Variants in CPT1C observed in about 807,000 individuals in gnomAD.
CPT1C encodes palmitoyl thioesterase CPT1C.
CPT1C carries 61 observed loss-of-function variants against 97.3 expected under a neutral mutation model. The observed-to-expected ratio is 0.63, with a 90% CI of 0.51 to 0.78. CPT1C has a LOEUF of 0.78. Ranked by LOEUF, CPT1C falls within the 30% of genes least tolerant of loss-of-function variation. The probability of loss-of-function intolerance (pLI) is 0.00; values close to 1 mark genes in which losing one functional copy is unlikely to be tolerated. For synonymous variants in CPT1C, 469 were observed against 447.2 expected, an observed-to-expected ratio of 1.05 and a Z score of -0.61; for missense variants, 975 against 1,065.5, an observed-to-expected ratio of 0.92 and a Z score of 1.18.
rs2084070414 is a variant in CPT1C, at chr19:49,713,695, A to G, written c.*90A>G. ...CAGGACAGGGGCAACTGGTTTGGCA[A>G]CCCCACATCCAGGCCAATAAAGATG... On this transcript the variant is annotated 3_prime_UTR_variant, in exon 20 of 20. Coordinates refer to ENST00000598293, the MANE Select transcript of CPT1C (RefSeq NM_001199753.2). 12 of 1,232,718 alleles carry G rather than the reference A, an allele frequency of 9.7e-6. 1 individual carries two copies. Among genetic ancestry groups the G allele is most frequent in the Non-Finnish European group, 1.4e-5 (12 of 872,422 alleles). 76.4% of individuals were successfully genotyped at this position (1,232,718 alleles called of 1,614,324 possible). A position where few individuals can be genotyped will look rare whatever the true frequency, so the allele number is the denominator to read the frequency against.
intron 18 of CPT1C, 35 bp downstream of exon 18, chr19:49,712,884 A>T: frequency 6.3e-7 from 1 of 1,596,200 alleles, no homozygotes; most frequent in Non-Finnish European, 8.6e-7. Flanking sequence ...CCCCAGAGGA[A>T]AGAGGGGGCT....
intron 14 of CPT1C, 138 bp from the exon 15 acceptor site, chr19:49,710,177 ATTCTC>A (rs2083767956): frequency 2.5e-6 from 2 of 806,588 alleles, no homozygotes; most frequent in East Asian, 2.5e-5. Context: ...TCATCCTTCA[ATTCTC>A]TTCTCTTCTT....
intron 16 of CPT1C, chr19:49,711,260 A>ATTTTTTTTT (rs34561432): frequency 7.4e-6 from 1 of 135,342 alleles, no homozygotes; most frequent in African/African-American, 2.8e-5. Context: ...TGCCCAGCTA[A>ATTTTTTTTT]TTTTTTTTTT....
At chr19:49,700,889 C>T (rs371824138) in intron 5 of CPT1C, 34 bp downstream of exon 5, 35 of 1,592,746 alleles carry the variant, frequency 2.2e-5, no homozygotes, top group Non-Finnish European at 3.4e-6. Context: ...TCAGGCTCTC[C>T]TGGGACCCGC....
intron 17 of CPT1C, 44 bp from the exon 18 acceptor site, chr19:49,712,692 C>T (rs368936837): frequency 1.1e-5 from 15 of 1,404,328 alleles, no homozygotes; most frequent in South Asian, 4.6e-5. Context: ...AGGGCCGGAA[C>T]TGCAGATCTC....
At chr19:49,703,670 T>A (rs937507336) in intron 7 of CPT1C, among the ~76,000 whole-genome samples, 4 of 148,116 alleles carry the variant, frequency 2.7e-5, no homozygotes, top group African/African-American at 9.9e-5. Flanking sequence ...TCTCACTCTG[T>A]CACCCAGGCT....
chr19:49,701,041 GTCCCCCTCTCTCTCTGTGTCTCCGTC>G (rs2123277567), intron 5 of CPT1C, among the ~76,000 whole-genome samples, 186 bp downstream of exon 5: 1 of 108,726 alleles, frequency 9.2e-6, no homozygotes, highest in East Asian at 3.1e-4. Context: ...CTGGGTCTCT[GTCCCCCTCTCTCTCTGTGTCTCCGTC>G]CCCCCCTCTG....
chr19:49,708,017 A>G lies in CPT1C; in HGVS notation c.1449+394A>G, dbSNP rs1454237511. On this transcript the variant is annotated intron_variant, in intron 13 of 19. Transcript: ENST00000598293. Reference sequence around the variant, plus strand: ...GAATACATCTCAAAAAAAAAAAAAAAAAAAAAAAAAGAAAAGAAAAACTGA... The same window carrying G: ...GAATACATCTCAAAAAAAAAAAAAAGAAAAAAAAAAGAAAAGAAAAACTGA... Among the ~76,000 whole-genome samples the G allele has an allele frequency of 2.6e-5, 4 of 150,980 alleles. No homozygotes were observed. In the East Asian group the frequency reaches 7.7e-4, roughly 29 times the overall value.
intron 3 of CPT1C, among the ~76,000 whole-genome samples, chr19:49,695,843 A>G (rs151045997): frequency 1.9e-4 from 29 of 151,788 alleles, no homozygotes; most frequent in Non-Finnish European, 3.7e-4. Context: ...GGCCTCCCAA[A>G]GCACTGGGAT....
In CPT1C at chr19:49,707,133, G is replaced by A. The variant is rs527514014; in HGVS notation, c.1344-385G>A. Among the ~76,000 whole-genome samples, 5 of 152,208 alleles carry A rather than the reference G, an allele frequency of 3.3e-5. No homozygotes were observed. In the East Asian group the frequency reaches 9.7e-4, roughly 29 times the overall value. On this transcript the variant is annotated intron_variant, in intron 12 of 19. Coordinates refer to ENST00000598293, the MANE Select transcript of CPT1C (RefSeq NM_001199753.2). ...CCACTAAAAATGCAAAAATTAGCTG[G>A]GCATGGTGGTGCATGCTTGTGATCC... is the stretch of plus-strand genomic sequence containing the variant.
intron 3 of CPT1C, among the ~76,000 whole-genome samples, chr19:49,696,328 G>C (rs1454175092): frequency 6.6e-6 from 1 of 152,170 alleles, no homozygotes; most frequent in African/African-American, 2.4e-5. Flanking sequence ...GCTTCCAAAG[G>C]AGTTTAGTTA....
chr19:49,710,242 G>C (rs534573403), intron 14 of CPT1C, 78 bp from the exon 15 acceptor site: 295 of 1,420,296 alleles, frequency 2.1e-4, no homozygotes, highest in Non-Finnish European at 2.7e-4. Context: ...ATCCACCTCC[G>C]CTTCCAGCCT....
intron 4 of CPT1C, among the ~76,000 whole-genome samples, chr19:49,698,646 G>C (rs2082811435): frequency 6.6e-6 from 1 of 150,756 alleles, no homozygotes; most frequent in Non-Finnish European, 1.5e-5. Context: ...CTTGGTGACA[G>C]AGCGAGACTC....
chr19:49,700,911 C>T, intron 5 of CPT1C, 56 bp downstream of exon 5: 2 of 1,532,270 alleles, frequency 1.3e-6, no homozygotes, highest in Admixed American at 1.7e-5. Flanking sequence ...TATCTATTCC[C>T]CTCTCTCTGG....
intron 4 of CPT1C, among the ~76,000 whole-genome samples, chr19:49,699,296 T>C (rs1480426059): frequency 6.6e-6 from 1 of 151,134 alleles, no homozygotes; most frequent in Non-Finnish European, 1.5e-5. Context: ...TTTGTGCAGA[T>C]GGCCCCAAAG....
chr19:49,701,813 TTA>T, intron 7 of CPT1C, among the ~76,000 whole-genome samples, 179 bp downstream of exon 7: 1 of 130,868 alleles, frequency 7.6e-6, no homozygotes, highest in Non-Finnish European at 1.6e-5. Flanking sequence ...ACCTCCACAT[TTA>T]TATATATATA....
intron 14 of CPT1C, among the ~76,000 whole-genome samples, chr19:49,709,272 C>T (rs543325212): frequency 2.0e-5 from 3 of 151,788 alleles, no homozygotes; most frequent in Non-Finnish European, 4.4e-5. Context: ...CAACCCCATC[C>T]TGTACTCAGC....
chr19:49,709,044 C>T (rs1429370521), intron 14 of CPT1C, among the ~76,000 whole-genome samples: 2 of 151,820 alleles, frequency 1.3e-5, no homozygotes, highest in Non-Finnish European at 2.9e-5. Flanking sequence ...GCCCCAACTC[C>T]AACCGTCCTC....
intron 7 of CPT1C, 94 bp downstream of exon 7, chr19:49,701,728 C>G: frequency 7.1e-7 from 1 of 1,405,648 alleles, no homozygotes; most frequent in Non-Finnish European, 9.4e-7. Flanking sequence ...TGCCCCACGA[C>G]ACGCCCACAA....
Sources: allele counts gnomAD v4.1 joint callset (sites outside exome capture counted in the v4.1 genomes callset), GRCh38; gene constraint gnomAD v4.1.1; transcripts MANE v1.5; gene names NCBI Gene and HGNC (gene_info 2026-07-23, HGNC 2026-07-21).